KIRREL3: variants seen among roughly 807,000 people sequenced by gnomAD.
The protein encoded by KIRREL3 is kin of IRRE-like protein 3.
KIRREL3 carries 36 observed loss-of-function variants against 89.7 expected under a neutral mutation model. The ratio of observed to expected loss-of-function variants is 0.40; its 90% CI spans 0.31 to 0.53. KIRREL3 has a LOEUF of 0.53. Ranked by LOEUF, KIRREL3 falls within the 20% of genes least tolerant of loss-of-function variation. The pLI is 0.49. For synonymous variants in KIRREL3, 445 were observed against 441.4 expected (o/e 1.01, Z -0.10); for missense variants, 864 against 1,056.6 (o/e 0.82, Z 2.53).
In KIRREL3 at chr11:126,557,738, G is replaced by A. The variant is rs1252509791; in HGVS notation, c.133+5097C>T. On this transcript the variant is annotated intron_variant, in intron 2 of 16. Coordinates refer to ENST00000525144, the MANE Select transcript of KIRREL3 (RefSeq NM_032531.4). The surrounding 1 kb of genome is among the most constrained non-coding windows in gnomAD (Gnocchi z 5.6). ...AGAAATGAGATTCTCAACCTCCCAG[G>A]GCTCTGACTCCCCTGTAAGGCTGGG... is the stretch of plus-strand genomic sequence containing the variant. Among the ~76,000 whole-genome samples the A allele has an allele frequency of 1.3e-5, 2 of 152,152 alleles. No individual in the cohort carries two copies. Among genetic ancestry groups the A allele is most frequent in the African/African-American group, 2.4e-5 (1 of 41,446 alleles).
rs76706296 is a variant in KIRREL3 at position 126,770,063 on chromosome 11, C to T, written c.56-207151G>A. Among the ~76,000 whole-genome samples, 542 of 152,140 alleles carry T rather than the reference C, an allele frequency of 3.6e-3. 2 individuals are homozygous for T. The highest frequency in any genetic ancestry group is 0.011 in the African/African-American group (473 of 41,484). ...TAGGTGTGTGAAGCCTCTTTTCTCCCGCAATTCCAAGCCTTCTGAGTCCAG... is the reference window on the plus strand; with the variant it reads ...TAGGTGTGTGAAGCCTCTTTTCTCCTGCAATTCCAAGCCTTCTGAGTCCAG... On this transcript the variant is annotated intron_variant, in intron 1 of 16. Transcript: ENST00000525144.
At chr11:126,603,601 G>C (rs959416139) in intron 1 of KIRREL3, among the ~76,000 whole-genome samples, 2 of 152,248 alleles carry the variant, frequency 1.3e-5, no homozygotes, top group Non-Finnish European at 2.9e-5. Flanking sequence ...AACATGCTTG[G>C]GTCTTGGCCC....
rs564650759 is a variant in KIRREL3, at chr11:126,843,093, A to T, written c.55+157362T>A. On this transcript the variant is annotated intron_variant, in intron 1 of 16. Transcript: ENST00000525144. This position sits in a 1 kb window ranked among gnomAD's most constrained non-coding sequence, Gnocchi z 4.6. ...CTGAGGGGCTGGCTCACATTTCTAT[A>T]TAACAGTGTCCTCGTTCTCACCTGC... Among the ~76,000 whole-genome samples, 2 of 152,182 alleles carry T rather than the reference A, an allele frequency of 1.3e-5. No individual in the cohort carries two copies. The highest frequency in any genetic ancestry group is 4.8e-5 in the African/African-American group (2 of 41,442).
Position 126,566,092 on chromosome 11 carries a change from C to T in KIRREL3, c.56-3180G>A, listed in dbSNP as rs1939732. Among the ~76,000 whole-genome samples the T allele has an allele frequency of 0.017, 2,538 of 152,192 alleles. 68 individuals are homozygous for T. Among genetic ancestry groups the T allele is most frequent in the African/African-American group, 0.057 (2,380 of 41,506 alleles). On this transcript the variant is annotated intron_variant, in intron 1 of 16. Coordinates refer to ENST00000525144, the MANE Select transcript of KIRREL3 (RefSeq NM_032531.4). This position sits in a 1 kb window ranked among gnomAD's most constrained non-coding sequence, Gnocchi z 4.9. ...TAGGCTTTGGGGGTGCTGTCTTTGG[C>T]TTTATCAGTAGCAGAAACACCCAGA...
intron 1 of KIRREL3, among the ~76,000 whole-genome samples, chr11:126,688,832 G>A (rs1565651506): frequency 6.6e-6 from 1 of 152,090 alleles, no homozygotes; most frequent in Non-Finnish European, 1.5e-5. Flanking sequence ...TGACATGATA[G>A]CTGTCACAAG....
chr11:126,590,757 G>C (rs575913134), intron 1 of KIRREL3, among the ~76,000 whole-genome samples: 2 of 152,264 alleles, frequency 1.3e-5, no homozygotes, highest in African/African-American at 4.8e-5. Flanking sequence ...GGACACAGCT[G>C]GTAGTCTCTG....
chr11:126,580,294 T>C (rs191733481), intron 1 of KIRREL3, among the ~76,000 whole-genome samples: 112 of 152,034 alleles, frequency 7.4e-4, no homozygotes, highest in African/African-American at 2.5e-3. Flanking sequence ...GGACCCACAG[T>C]TGGGGAGACA....
intron 1 of KIRREL3, among the ~76,000 whole-genome samples, chr11:126,785,152 C>A (rs1396676360): frequency 6.6e-6 from 1 of 152,092 alleles, no homozygotes; most frequent in Non-Finnish European, 1.5e-5. Context: ...CTGGTGCGGG[C>A]CGGGAGAGTG....
intron 6 of KIRREL3, among the ~76,000 whole-genome samples, chr11:126,457,560 A>G (rs1956413244): frequency 6.6e-6 from 1 of 151,936 alleles, no homozygotes. Flanking sequence ...AAGATGAGGA[A>G]GTGACAGGGA....
rs1945894997 is a variant in KIRREL3, at chr11:126,890,941, G to A, written c.55+109514C>T. Among the ~76,000 whole-genome samples, 1 of 152,192 alleles carries A rather than the reference G, an allele frequency of 6.6e-6. No individual in the cohort carries two copies. The highest frequency in any genetic ancestry group is 1.5e-5 in the Non-Finnish European group (1 of 68,042). ...TAATTCCCAGGCTGATTCCAGTGCT[G>A]TTGGTCCCCCGCTTGGTTCATTACA... is the stretch of plus-strand genomic sequence containing the variant. On this transcript the variant is annotated intron_variant, in intron 1 of 16. Coordinates refer to ENST00000525144, the MANE Select transcript of KIRREL3 (RefSeq NM_032531.4). The surrounding 1 kb of genome is among the most constrained non-coding windows in gnomAD (Gnocchi z 5.1).
In KIRREL3 at chr11:126,812,867, G is replaced by A. The variant is rs1011331029; in HGVS notation, c.55+187588C>T. 8.5e-5 allele frequency among the ~76,000 whole-genome samples: 13 copies of A among 152,188 alleles called. No individual in the cohort carries two copies. Among genetic ancestry groups the A allele is most frequent in the Non-Finnish European group, 1.9e-4 (13 of 68,038 alleles). On this transcript the variant is annotated intron_variant, in intron 1 of 16. Transcript: ENST00000525144. This position sits in a 1 kb window ranked among gnomAD's most constrained non-coding sequence, Gnocchi z 5.2. ...AAGAACATGGCTCCATCTAAAGGAA[G>A]TGGCCTACGGGAATCTGCGCACCTC...
rs1179070670 is a variant in KIRREL3 at position 126,744,896 on chromosome 11, G to T, written c.56-181984C>A. On this transcript the variant is annotated intron_variant, in intron 1 of 16. Coordinates refer to ENST00000525144, the MANE Select transcript of KIRREL3 (RefSeq NM_032531.4). This position sits in a 1 kb window ranked among gnomAD's most constrained non-coding sequence, Gnocchi z 4.7. Reference sequence around the variant, plus strand: ...AGTGCTAAAAAAAAAAAAAAAGGTGGGAAAAGTAGCTGAGAACTGGTTTAC... The same window carrying T: ...AGTGCTAAAAAAAAAAAAAAAGGTGTGAAAAGTAGCTGAGAACTGGTTTAC... Among the ~76,000 whole-genome samples, 2 of 151,946 alleles carry T rather than the reference G, an allele frequency of 1.3e-5. No individual in the cohort carries two copies. The highest frequency in any genetic ancestry group is 2.9e-5 in the Non-Finnish European group (2 of 67,960).
Position 126,440,506 on chromosome 11 carries a change from G to T in KIRREL3, c.1296C>A (p.His432Gln). Residue 432 changes from histidine (H) to glutamine (Q), a missense_variant, in exon 11 of 17, where the codon CAC becomes CAA. Transcript: ENST00000525144. Reference sequence around the variant, plus strand: ...AGCACTTGATCTGGCCCTTCTCGCCGTGGAGGGCGTGCTGGGTCTGGGTGC... The same window carrying T: ...AGCACTTGATCTGGCCCTTCTCGCCTTGGAGGGCGTGCTGGGTCTGGGTGC... The part of the protein sequence containing the change: ...ISSTQTQHAL[H>Q]GEKGQIKCFI... The T allele has an allele frequency of 1.2e-6, 2 of 1,601,978 alleles. No homozygotes were observed. The highest frequency in any genetic ancestry group is 1.7e-6 in the Non-Finnish European group (2 of 1,174,830).
At position 126,987,262 on chromosome 11, in the gene KIRREL3, C is replaced by A. The variant is rs1247033172; in HGVS notation, c.55+13193G>T. On this transcript the variant is annotated intron_variant, in intron 1 of 16. Coordinates refer to ENST00000525144, the MANE Select transcript of KIRREL3 (RefSeq NM_032531.4). This position sits in a 1 kb window ranked among gnomAD's most constrained non-coding sequence, Gnocchi z 4.6. ...CTTTTCCATTGCAATTGTGAGTGAG[C>A]AAATCTAGCAGAGTCTATAGTACGC... 1.3e-5 allele frequency among the ~76,000 whole-genome samples: 2 copies of A among 152,252 alleles called. No homozygotes were observed. The highest frequency in any genetic ancestry group is 4.8e-5 in the African/African-American group (2 of 41,548).
At position 126,635,688 on chromosome 11, in the gene KIRREL3, G is replaced by A. The variant is rs759213177; in HGVS notation, c.56-72776C>T. Among the ~76,000 whole-genome samples the A allele has an allele frequency of 6.6e-6, 1 of 152,136 alleles. No homozygotes were observed. Among genetic ancestry groups the A allele is most frequent in the Non-Finnish European group, 1.5e-5 (1 of 68,032 alleles). ...TGACCCCAGCTGGATATCTGCTCAC[G>A]TCATCAAAGCTCTTGAGGCCTCAGC... is the stretch of plus-strand genomic sequence containing the variant. On this transcript the variant is annotated intron_variant, in intron 1 of 16. Transcript: ENST00000525144. This position sits in a 1 kb window ranked among gnomAD's most constrained non-coding sequence, Gnocchi z 4.0.
intron 1 of KIRREL3, among the ~76,000 whole-genome samples, chr11:126,691,085 G>A (rs1946861544): frequency 6.6e-6 from 1 of 152,162 alleles, no homozygotes. Flanking sequence ...GCATATCAAG[G>A]GCACAAGAGA....
chr11:126,737,622 C>T (rs1047419911), intron 1 of KIRREL3, among the ~76,000 whole-genome samples: 19 of 152,222 alleles, frequency 1.2e-4, no homozygotes, highest in Admixed American at 2.0e-4. Flanking sequence ...TCGAGACACA[C>T]AGTACATGCC....
Position 126,459,193 on chromosome 11 carries a change from G to A in KIRREL3, c.743-2739C>T, listed in dbSNP as rs572273868. ...CCAGTCCCATAGGCTCAAGGGACCC[G>A]CCACAGAACTTGGGGGGCTGTTCCA... On this transcript the variant is annotated intron_variant, in intron 6 of 16. Coordinates refer to ENST00000525144, the MANE Select transcript of KIRREL3 (RefSeq NM_032531.4). This position sits in a 1 kb window ranked among gnomAD's most constrained non-coding sequence, Gnocchi z 4.8. 9.9e-5 allele frequency among the ~76,000 whole-genome samples: 15 copies of A among 152,132 alleles called. No individual in the cohort carries two copies. The highest frequency in any genetic ancestry group is 1.8e-4 in the Non-Finnish European group (12 of 68,008).
intron 4 of KIRREL3, among the ~76,000 whole-genome samples, chr11:126,478,643 G>A (rs1476413379): frequency 6.8e-6 from 1 of 147,860 alleles, no homozygotes. Flanking sequence ...GTGTGTATGT[G>A]TGTATGTATG....
Sources: allele counts gnomAD v4.1 joint callset (sites outside exome capture counted in the v4.1 genomes callset), GRCh38; gene constraint gnomAD v4.1.1; non-coding constraint Gnocchi (gnomAD v3.1); transcripts MANE v1.5; gene names NCBI Gene and HGNC (gene_info 2026-07-23, HGNC 2026-07-21).